Variants in FOXP2 observed in about 807,000 individuals in gnomAD.
FOXP2 encodes forkhead box P2.
Under a neutral mutation model 115.8 loss-of-function variants are expected in FOXP2, and 12 were observed. The observed-to-expected ratio is 0.10, with a 90% confidence interval of 0.07 to 0.17. The LOEUF is 0.17. Ranked by LOEUF, FOXP2 falls within the 10% of genes least tolerant of loss-of-function variation. FOXP2 has a pLI of 1.00. For synonymous variants in FOXP2, 328 were observed against 297.7 expected, an observed-to-expected ratio of 1.10 and a Z score of -1.05; for missense variants, 629 against 843.5, an observed-to-expected ratio of 0.75 and a Z score of 3.15.
In FOXP2 at chr7:114,692,036, C is replaced by T. The variant is rs1389018410; in HGVS notation, c.*2110C>T. ...AACTGCTACTTTTCATTATGTTTGT[C>T]TTTGGGTCATGATCAACGAACCGGA... is the stretch of plus-strand genomic sequence containing the variant. On this transcript the variant is annotated 3_prime_UTR_variant, in exon 17 of 17. Coordinates refer to ENST00000350908, the MANE Select transcript of FOXP2 (RefSeq NM_014491.4). 4.4e-6 allele frequency: 2 copies of T among 453,494 alleles called. No individual in the cohort carries two copies. 28.1% of individuals were successfully genotyped at this position (453,494 alleles called of 1,614,324 possible). A position where few individuals can be genotyped will look rare whatever the true frequency, so the allele number is the denominator to read the frequency against.
chr7:114,469,083 G>T (rs1795932764), intron 2 of FOXP2, among the ~76,000 whole-genome samples: 1 of 152,118 alleles, frequency 6.6e-6, no homozygotes, highest in Non-Finnish European at 1.5e-5. Flanking sequence ...ATCGGCTCCT[G>T]TTCAACTCTT....
intron 2 of FOXP2, among the ~76,000 whole-genome samples, chr7:114,527,994 G>C (rs577324187): frequency 6.6e-6 from 1 of 152,030 alleles, no homozygotes; most frequent in Admixed American, 6.6e-5. Flanking sequence ...CATGACTTCA[G>C]TATTGTCCTG....
In FOXP2 at chr7:114,629,794, G is replaced by A; in HGVS notation, c.397-11G>A. 1 of 1,613,502 alleles carries A rather than the reference G, an allele frequency of 6.2e-7. No homozygotes were observed. On this transcript the variant is annotated splice_polypyrimidine_tract_variant and intron_variant, in intron 4 of 16. Transcript: ENST00000350908. ...TGCCTTTATTTATTAAAGTCAAAAT[G>A]GTTTATTCAGCAACAACTACAAGAG...
upstream of FOXP2, among the ~76,000 whole-genome samples, chr7:114,413,514 A>G (rs1793219392): frequency 6.6e-6 from 1 of 152,138 alleles, no homozygotes; most frequent in East Asian, 1.9e-4. Flanking sequence ...TAATGAGTGA[A>G]TTATTTAACT....
In FOXP2 at chr7:114,550,112, C is replaced by CTTTT. The variant is rs941573098; in HGVS notation, c.258+15426_258+15429dup. ...TTGAGAGCTCATCTTCCTTTCTTTT[C>CTTTT]TTTTTTTTTTTTTTTTTTTTTTTGA... is the stretch of plus-strand genomic sequence containing the variant. On this transcript the variant is annotated intron_variant, in intron 3 of 16. Transcript: ENST00000350908. 1.7e-3 allele frequency among the ~76,000 whole-genome samples: 180 copies of CTTTT among 103,240 alleles called. 1 individual carries two copies. Among genetic ancestry groups the CTTTT allele is most frequent in the African/African-American group, 3.3e-3 (86 of 26,030 alleles). The allele number at this position is 103,240 out of a possible 152,430, so 67.7% of individuals were successfully genotyped here. A position where few individuals can be genotyped will look rare whatever the true frequency, so the allele number is the denominator to read the frequency against.
chr7:114,491,938 G>A (rs1020247100), intron 2 of FOXP2, among the ~76,000 whole-genome samples: 6 of 152,160 alleles, frequency 3.9e-5, no homozygotes, highest in Non-Finnish European at 7.3e-5. Context: ...AATGAGTTAG[G>A]GAGGATTCCC....
At chr7:114,196,196 GA>G (rs1377881704) in intron 1 of FOXP2, among the ~76,000 whole-genome samples, 1 of 151,654 alleles carries the variant, frequency 6.6e-6, no homozygotes, top group Non-Finnish European at 1.5e-5. Flanking sequence ...ATTTTTAGTA[GA>G]GACTGGGTTT....
intron 3 of FOXP2, among the ~76,000 whole-genome samples, chr7:114,600,371 A>C (rs6954257): frequency 0.13 from 19,856 of 152,188 alleles, 1,576 homozygotes; most frequent in African/African-American, 0.22. Context: ...TTTTTCACTG[A>C]ATGATAATCC....
chr7:114,579,241 A>G (rs1801719051), intron 3 of FOXP2, among the ~76,000 whole-genome samples: 2 of 152,180 alleles, frequency 1.3e-5, no homozygotes, highest in African/African-American at 4.8e-5. Context: ...CTGATATTTA[A>G]ATATTGGACA....
intron 2 of FOXP2, among the ~76,000 whole-genome samples, chr7:114,392,104 AGAAGTAAAG>A (rs1792618055): frequency 6.6e-6 from 1 of 152,224 alleles, no homozygotes; most frequent in African/African-American, 2.4e-5. Context: ...ATGCCCAAGA[AGAAGTAAAG>A]GATGCTCACA....
intron 2 of FOXP2, among the ~76,000 whole-genome samples, chr7:114,484,337 T>G (rs749388050): frequency 5.3e-5 from 8 of 151,894 alleles, no homozygotes; most frequent in Non-Finnish European, 8.9e-5. Flanking sequence ...ACTCAGTTTC[T>G]ACTACAAAAC....
intron 16 of FOXP2, among the ~76,000 whole-genome samples, chr7:114,680,002 C>T (rs1283603068): frequency 1.3e-5 from 2 of 151,998 alleles, no homozygotes; most frequent in Non-Finnish European, 2.9e-5. Context: ...TTTTTTTTTC[C>T]ACTTCTAACA....
intron 2 of FOXP2, among the ~76,000 whole-genome samples, chr7:114,407,353 T>C (rs144951400): frequency 2.0e-5 from 3 of 152,048 alleles, no homozygotes; most frequent in African/African-American, 4.8e-5. Flanking sequence ...TTTAATAGCA[T>C]AGAAAATAGC....
intron 3 of FOXP2, among the ~76,000 whole-genome samples, chr7:114,615,240 T>C (rs1336244446): frequency 6.6e-6 from 1 of 152,020 alleles, no homozygotes; most frequent in Admixed American, 6.6e-5. Context: ...ATAATAATAA[T>C]ACAATTTCTT....
chr7:114,339,196 G>A (rs1791133042), intron 2 of FOXP2, among the ~76,000 whole-genome samples: 1 of 151,086 alleles, frequency 6.6e-6, no homozygotes, highest in Non-Finnish European at 1.5e-5. Flanking sequence ...TCTGTTTTAT[G>A]AATGTTGTGG....
At chr7:114,408,660 G>A (rs1433013325) in intron 2 of FOXP2, among the ~76,000 whole-genome samples, 1 of 152,098 alleles carries the variant, frequency 6.6e-6, no homozygotes, top group Non-Finnish European at 1.5e-5. Context: ...CTGGGAGGCA[G>A]AGGTTGGAGT....
intron 1 of FOXP2, among the ~76,000 whole-genome samples, chr7:114,091,714 T>G (rs1314300400): frequency 6.6e-6 from 1 of 152,014 alleles, no homozygotes; most frequent in Non-Finnish European, 1.5e-5. Context: ...CTAAATTGAC[T>G]TGTATTTTTG....
chr7:114,510,022 A>G (rs1428989857), intron 2 of FOXP2, among the ~76,000 whole-genome samples: 1 of 152,152 alleles, frequency 6.6e-6, no homozygotes, highest in Non-Finnish European at 1.5e-5. Context: ...AGTGATAAGA[A>G]AAAGGAAATG....
intron 2 of FOXP2, among the ~76,000 whole-genome samples, chr7:114,315,248 T>G (rs546461334): frequency 6.6e-6 from 1 of 152,284 alleles, no homozygotes; most frequent in Non-Finnish European, 1.5e-5. Context: ...GAAAATGATT[T>G]AGGCATTGTA....
Sources: gnomAD v4.1 joint callset for allele counts (sites outside exome capture counted in the v4.1 genomes callset) on GRCh38, gnomAD v4.1.1 for gene constraint, MANE v1.5 for transcripts, NCBI Gene and HGNC (gene_info 2026-07-23, HGNC 2026-07-21) for gene names.